FRMD4A: variants seen among roughly 807,000 people sequenced by gnomAD.
FRMD4A encodes FERM domain-containing protein 4A.
Under a neutral mutation model 129.1 loss-of-function variants are expected in FRMD4A, and 29 were observed. That is an observed-to-expected ratio of 0.22 (90% CI 0.17 to 0.31). FRMD4A has a LOEUF of 0.31. FRMD4A is among the 10% of genes least tolerant of loss of function. The pLI is 1.00. For synonymous variants in FRMD4A, 634 were observed against 571.6 expected, an observed-to-expected ratio of 1.11 and a Z score of -1.56; for missense variants, 1,272 against 1,375.8, an observed-to-expected ratio of 0.92 and a Z score of 1.19.
rs549475386 is a variant in FRMD4A at position 13,657,414 on chromosome 10, G to A, written c.2175C>T (p.Thr725=). ...GCGGGGTGTAGAAGTCGGGGCTCCC[G>A]GTGTCGTTTTCCGAGCCCAGGAGCT... ...QGKLLGSEND[T]GSPDFYTPRT... is the part of the protein sequence containing the mutation. The change falls in exon 22 of 25, where the codon ACC becomes ACT. Residue 725 remains threonine, a synonymous_variant. Coordinates refer to ENST00000357447, the MANE Select transcript of FRMD4A (RefSeq NM_018027.5). 5 of 1,608,050 alleles carry A rather than the reference G, an allele frequency of 3.1e-6. No individual in the cohort carries two copies. In the South Asian group the frequency reaches 4.4e-5, roughly 14 times the overall value.
chr10:13,656,895 C>A lies in FRMD4A; in HGVS notation c.2694G>T (p.Pro898=). ...GDEGDTGRLT[P]SRSQILRTPS... The stretch of plus-strand genomic sequence containing the variant: ...GAGTCCGCAGGATCTGCGATCGCGA[C>A]GGCGTCAGGCGGCCCGTGTCGCCCT... The change falls in exon 22 of 25, where the codon CCG becomes CCT. Residue 898 remains proline (P), a synonymous_variant. Transcript: ENST00000357447. The A allele has an allele frequency of 6.8e-7, 1 of 1,476,582 alleles. No individual in the cohort carries two copies. Among genetic ancestry groups the A allele is most frequent in the Non-Finnish European group, 8.9e-7 (1 of 1,120,590 alleles). The allele number at this position is 1,476,582 out of a possible 1,614,324, so 91.5% of individuals were successfully genotyped here. A position where few individuals can be genotyped will look rare whatever the true frequency, so the allele number is the denominator to read the frequency against.
intron 24 of FRMD4A, among the ~76,000 whole-genome samples, chr10:13,649,999 T>C (rs753120722): frequency 7.9e-5 from 12 of 152,168 alleles, no homozygotes; most frequent in Non-Finnish European, 1.3e-4. Flanking sequence ...CAGCAAGTGG[T>C]GACTTCAGAA....
intron 2 of FRMD4A, among the ~76,000 whole-genome samples, chr10:14,103,107 A>G (rs1159819835): frequency 1.3e-5 from 2 of 152,206 alleles, no homozygotes; most frequent in Non-Finnish European, 2.9e-5. Context: ...TCATAACAGA[A>G]GCCTCTCCGT....
chr10:14,307,537 T>C (rs999402277), intron 2 of FRMD4A, among the ~76,000 whole-genome samples: 1 of 152,196 alleles, frequency 6.6e-6, no homozygotes, highest in East Asian at 1.9e-4. Flanking sequence ...AAGCCCAAAC[T>C]CTGTCCCTTT....
intron 2 of FRMD4A, among the ~76,000 whole-genome samples, chr10:13,868,351 C>A (rs1372386801): frequency 6.6e-6 from 1 of 151,916 alleles, no homozygotes; most frequent in Non-Finnish European, 1.5e-5. Context: ...TCAAGTGATA[C>A]CATATTGAAG....
At chr10:14,039,455 AATCTATCTATCTATCT>A (rs71388152) in intron 2 of FRMD4A, among the ~76,000 whole-genome samples, 1,707 of 64,556 alleles carry the variant, frequency 0.026, 32 homozygotes, top group Admixed American at 0.07. Context: ...AAAATCAATC[AATCTATCTATCTATCT>A]ATCTATCTAT....
chr10:13,930,210 C>A (rs549337003), intron 2 of FRMD4A, among the ~76,000 whole-genome samples: 1 of 152,152 alleles, frequency 6.6e-6, no homozygotes, highest in African/African-American at 2.4e-5. Flanking sequence ...TAGGCTCAGC[C>A]GGGTCTGCAC....
At chr10:13,691,283 C>T (rs1443128389) in intron 15 of FRMD4A, among the ~76,000 whole-genome samples, 3 of 152,292 alleles carry the variant, frequency 2.0e-5, no homozygotes, top group Admixed American at 6.5e-5. Flanking sequence ...CCACTGCGCC[C>T]GGCCAGATTT....
In FRMD4A at chr10:13,643,814, CTTT is replaced by C. The variant is rs1302177150; in HGVS notation, c.*3221_*3223del. ...AAAAGAATAAATTAAAAGCAGATTT[CTTT>C]TTTTAATTCTGCAACTTTGTCTACA... On this transcript the variant is annotated 3_prime_UTR_variant, in exon 25 of 25. Transcript: ENST00000357447. 6.6e-6 allele frequency: 1 copy of C among 152,622 alleles called. No homozygotes were observed. Among genetic ancestry groups the C allele is most frequent in the Non-Finnish European group, 1.5e-5 (1 of 68,016 alleles). 9.5% of individuals were successfully genotyped at this position (152,622 alleles called of 1,614,324 possible).
chr10:14,207,308 G>A (rs1376098617), intron 2 of FRMD4A, among the ~76,000 whole-genome samples: 1 of 152,096 alleles, frequency 6.6e-6, no homozygotes, highest in East Asian at 1.9e-4. Context: ...GGATGGGGGT[G>A]GGGTGATGGT....
chr10:14,252,357 A>G lies in FRMD4A; in HGVS notation c.45+77701T>C, dbSNP rs1468510018. ...AGATTTTTGCCAATTGGACAAAAGGACATTATTAAGAATGTTCTTTACAGG... is the reference window on the plus strand; with the variant it reads ...AGATTTTTGCCAATTGGACAAAAGGGCATTATTAAGAATGTTCTTTACAGG... On this transcript the variant is annotated intron_variant, in intron 2 of 24. Coordinates refer to ENST00000357447, the MANE Select transcript of FRMD4A (RefSeq NM_018027.5). 2.6e-5 allele frequency among the ~76,000 whole-genome samples: 4 copies of G among 152,246 alleles called. No homozygotes were observed. The East Asian group carries it at 7.7e-4, about 29-fold the overall frequency.
chr10:14,136,098 G>A (rs1247643915), intron 2 of FRMD4A, among the ~76,000 whole-genome samples: 1 of 152,136 alleles, frequency 6.6e-6, no homozygotes, highest in Non-Finnish European at 1.5e-5. Flanking sequence ...TAGGTTCCAA[G>A]TGCTCATAAT....
chr10:13,877,597 A>C (rs2094501180), intron 2 of FRMD4A, among the ~76,000 whole-genome samples: 1 of 152,330 alleles, frequency 6.6e-6, no homozygotes, highest in Non-Finnish European at 1.5e-5. Flanking sequence ...CATAGGGGGA[A>C]GTTTCCACAG....
intron 2 of FRMD4A, among the ~76,000 whole-genome samples, chr10:13,974,165 A>G (rs1234312971): frequency 6.6e-6 from 1 of 152,014 alleles, no homozygotes; most frequent in African/African-American, 2.4e-5. Context: ...ACGACGAAGT[A>G]AAGTGACTTT....
chr10:14,124,592 C>A (rs985586623), intron 2 of FRMD4A, among the ~76,000 whole-genome samples: 1 of 152,176 alleles, frequency 6.6e-6, no homozygotes, highest in African/African-American at 2.4e-5. Context: ...AGGAGAATCT[C>A]GTGAACCCAG....
At chr10:13,961,566 C>G (rs1304094119) in intron 2 of FRMD4A, among the ~76,000 whole-genome samples, 1 of 152,196 alleles carries the variant, frequency 6.6e-6, no homozygotes, top group Non-Finnish European at 1.5e-5. Flanking sequence ...TGGTTTGATA[C>G]CAAATGTGAC....
intron 14 of FRMD4A, among the ~76,000 whole-genome samples, chr10:13,700,820 C>CTTTTTTTTTTTTTTTTTT (rs71503097): frequency 6.7e-5 from 3 of 44,712 alleles, no homozygotes; most frequent in African/African-American, 8.6e-5. Flanking sequence ...AGGGTAGTTG[C>CTTTTTTTTTTTTTTTTTT]TTTTTTTTTT....
rs542606460 is a variant in FRMD4A, at chr10:14,171,850, C to A, written c.45+158208G>T. 1.2e-4 allele frequency among the ~76,000 whole-genome samples: 18 copies of A among 152,306 alleles called. No individual in the cohort carries two copies. In the South Asian group the frequency reaches 3.7e-3, roughly 32 times the overall value. On this transcript the variant is annotated intron_variant, in intron 2 of 24. Coordinates refer to ENST00000357447, the MANE Select transcript of FRMD4A (RefSeq NM_018027.5). ...CATCATACCAGGAAATCAGAAACTTCAAGCTAAATCCTCACCAAAGGGAGA... is the reference window on the plus strand; with the variant it reads ...CATCATACCAGGAAATCAGAAACTTAAAGCTAAATCCTCACCAAAGGGAGA...
chr10:13,865,960 C>G (rs2094362056), intron 2 of FRMD4A, among the ~76,000 whole-genome samples: 1 of 152,152 alleles, frequency 6.6e-6, no homozygotes, highest in South Asian at 2.1e-4. Flanking sequence ...GAGATGTTCA[C>G]AGGCCTGCCA....
Sources: allele counts gnomAD v4.1 joint callset (sites outside exome capture counted in the v4.1 genomes callset), GRCh38; gene constraint gnomAD v4.1.1; transcripts MANE v1.5; gene names NCBI Gene and HGNC (gene_info 2026-07-23, HGNC 2026-07-21).